The following ZNF385D variants were observed in gnomAD, a reference collection of about 807,000 sequenced individuals.
ZNF385D encodes the protein zinc finger protein 659.
Under a neutral mutation model 35.8 loss-of-function variants are expected in ZNF385D, and 15 were observed. The observed-to-expected ratio is 0.42, with a 90% CI of 0.28 to 0.64. The LOEUF is 0.64. Ranked by LOEUF, ZNF385D falls within the 30% of genes least tolerant of loss-of-function variation. The pLI is 0.23. For synonymous variants in ZNF385D, 212 were observed against 186.8 expected (o/e 1.13, Z -1.10); for missense variants, 474 against 494.6 (o/e 0.96, Z 0.39).
intron 3 of ZNF385D, among the ~76,000 whole-genome samples, chr3:22,069,950 C>CAGAA (rs1302913724): frequency 6.6e-6 from 1 of 152,152 alleles, no homozygotes; most frequent in Admixed American, 6.6e-5. Context: ...GCAGCACCTT[C>CAGAA]AGAAAGAAAG....
chr3:22,131,251 T>G lies in ZNF385D; in HGVS notation c.325+37566A>C, dbSNP rs138082212. ...GTGGTCAGGAAGACTGGCAAAACAG[T>G]CCGGTAAGATGAGGACTGAGCTGAC... On this transcript the variant is annotated intron_variant, in intron 3 of 5. Coordinates refer to the ZNF385D transcript ENST00000494108. Among the ~76,000 whole-genome samples, 9 of 151,908 alleles carry G rather than the reference T, an allele frequency of 5.9e-5. No individual in the cohort carries two copies. The East Asian group carries it at 1.7e-3, about 29-fold the overall frequency.
chr3:22,182,480 G>A (rs1695344489), intron 2 of ZNF385D, among the ~76,000 whole-genome samples: 1 of 151,972 alleles, frequency 6.6e-6, no homozygotes, highest in South Asian at 2.1e-4. Flanking sequence ...CTTTCCTTCA[G>A]AGGCTGGATT....
chr3:22,091,095 G>C (rs78970911), intron 3 of ZNF385D, among the ~76,000 whole-genome samples: 16,157 of 152,080 alleles, frequency 0.11, 1,064 homozygotes, highest in Admixed American at 0.19. Context: ...CACTAGATAA[G>C]GCTGAATTCC....
intron 2 of ZNF385D, among the ~76,000 whole-genome samples, chr3:22,216,760 T>A (rs1179420382): frequency 6.6e-6 from 1 of 152,112 alleles, no homozygotes; most frequent in Non-Finnish European, 1.5e-5. Context: ...CGAATTTCCT[T>A]TGCAGTTAGA....
intron 4 of ZNF385D, among the ~76,000 whole-genome samples, chr3:21,480,385 G>C (rs1217581837): frequency 6.6e-6 from 1 of 152,054 alleles, no homozygotes; most frequent in Non-Finnish European, 1.5e-5. Context: ...TTACGGGTGT[G>C]AGCCACCGTG....
At chr3:22,037,179 C>T (rs967916416) in intron 3 of ZNF385D, among the ~76,000 whole-genome samples, 3 of 151,476 alleles carry the variant, frequency 2.0e-5, no homozygotes, top group Non-Finnish European at 4.4e-5. Flanking sequence ...CATACGTGTG[C>T]ATGTGTCTTT....
intron 4 of ZNF385D, among the ~76,000 whole-genome samples, chr3:21,507,404 A>G (rs1008219917): frequency 6.6e-6 from 1 of 152,150 alleles, no homozygotes; most frequent in South Asian, 2.1e-4. Context: ...AATTAAAATG[A>G]TTTGATAAAT....
chr3:21,768,815 C>T lies in ZNF385D; in HGVS notation c.326-103787G>A, dbSNP rs368057558. 7.2e-5 allele frequency among the ~76,000 whole-genome samples: 11 copies of T among 151,828 alleles called. 1 individual carries two copies. The highest frequency in any genetic ancestry group is 5.8e-4 in the East Asian group (3 of 5,130). The stretch of plus-strand genomic sequence containing the variant: ...TTCAGCTGGGGACGAACGCCCCATC[C>T]CCAGTTGAAATAACAAATCAGCAAC... On this transcript the variant is annotated intron_variant, in intron 3 of 5. Transcript: ENST00000494108.
At chr3:22,203,960 G>A (rs1392523970) in intron 2 of ZNF385D, among the ~76,000 whole-genome samples, 2 of 152,070 alleles carry the variant, frequency 1.3e-5, no homozygotes, top group Non-Finnish European at 2.9e-5. Context: ...ATAACCTGCT[G>A]ATTATGGAGC....
chr3:21,929,161 T>C (rs1001179510), intron 3 of ZNF385D, among the ~76,000 whole-genome samples: 1 of 152,146 alleles, frequency 6.6e-6, no homozygotes, highest in African/African-American at 2.4e-5. Context: ...GAATGCAAGG[T>C]TGGATTATAC....
chr3:22,081,408 A>G lies in ZNF385D; in HGVS notation c.325+87409T>C, dbSNP rs183660033. 3.1e-3 allele frequency among the ~76,000 whole-genome samples: 466 copies of G among 152,342 alleles called. 6 individuals are homozygous for G. The highest frequency in any genetic ancestry group is 0.01 in the African/African-American group (418 of 41,578). ...AAAGATCCAAATTATCTAATTTGTA[A>G]GTTTATAGTGAAACACACATATACT... On this transcript the variant is annotated intron_variant, in intron 3 of 5. Coordinates refer to the ZNF385D transcript ENST00000494108.
chr3:21,665,612 A>T (rs1038206544), intron 1 of ZNF385D, among the ~76,000 whole-genome samples: 2 of 152,048 alleles, frequency 1.3e-5, no homozygotes, highest in African/African-American at 2.4e-5. Context: ...ACTATTCAGC[A>T]CCCCTACAGC....
chr3:21,907,061 G>C (rs1245450299), intron 3 of ZNF385D, among the ~76,000 whole-genome samples: 1 of 152,084 alleles, frequency 6.6e-6, no homozygotes, highest in Non-Finnish European at 1.5e-5. Context: ...TTCAGCCTTT[G>C]TACTAGGCCA....
chr3:21,538,513 T>C (rs1430045642), intron 3 of ZNF385D, among the ~76,000 whole-genome samples: 1 of 152,126 alleles, frequency 6.6e-6, no homozygotes, highest in Non-Finnish European at 1.5e-5. Flanking sequence ...ATAAAATAAC[T>C]TCAGTGGAAT....
chr3:21,812,795 C>G (rs1325730970), intron 3 of ZNF385D, among the ~76,000 whole-genome samples: 1 of 152,186 alleles, frequency 6.6e-6, no homozygotes, highest in Non-Finnish European at 1.5e-5. Flanking sequence ...CAAAAGGCGT[C>G]AGAAACCTGC....
At chr3:22,325,832 A>ATT (rs147399511) in intron 2 of ZNF385D, among the ~76,000 whole-genome samples, 9 of 151,470 alleles carry the variant, frequency 5.9e-5, no homozygotes, top group Middle Eastern at 3.4e-3. Context: ...AAAGAATCAC[A>ATT]TTTTTTTTTC....
At chr3:21,780,033 A>C (rs2071430969) in intron 3 of ZNF385D, among the ~76,000 whole-genome samples, 1 of 151,982 alleles carries the variant, frequency 6.6e-6, no homozygotes. Flanking sequence ...ATTGTGTTAC[A>C]TGAAAGTGAC....
chr3:21,715,579 T>A (rs992527086), intron 1 of ZNF385D, among the ~76,000 whole-genome samples: 2 of 151,588 alleles, frequency 1.3e-5, no homozygotes, highest in African/African-American at 4.8e-5. Flanking sequence ...CATGCTTTTT[T>A]TAAATATATT....
chr3:22,127,483 G>A (rs1457628158), intron 3 of ZNF385D, among the ~76,000 whole-genome samples: 4 of 151,606 alleles, frequency 2.6e-5, no homozygotes, highest in African/African-American at 9.7e-5. Flanking sequence ...GGGATTACAA[G>A]CACCTGCCAC....
Sources: allele counts gnomAD v4.1 joint callset (sites outside exome capture counted in the v4.1 genomes callset), GRCh38; gene constraint gnomAD v4.1.1; transcripts MANE v1.5; gene names NCBI Gene and HGNC (gene_info 2026-07-23, HGNC 2026-07-21).